CTNNA3: variants seen among roughly 807,000 people sequenced by gnomAD.
The protein encoded by CTNNA3 is catenin alpha-3.
Under a neutral mutation model 95.7 loss-of-function variants are expected in CTNNA3, and 76 were observed. The ratio of observed to expected loss-of-function variants is 0.79; its 90% CI spans 0.66 to 0.96. The LOEUF is 0.96. CTNNA3 is among the 40% of genes least tolerant of loss of function. The pLI, the probability that CTNNA3 is intolerant of heterozygous loss-of-function variation, is 0.00. For synonymous variants in CTNNA3, 431 were observed against 374.4 expected (o/e 1.15, Z -1.74); for missense variants, 1,191 against 1,089.8 (o/e 1.09, Z -1.31).
intron 5 of CTNNA3, among the ~76,000 whole-genome samples, chr10:67,374,506 C>T (rs990311093): frequency 5.3e-5 from 8 of 152,184 alleles, no homozygotes; most frequent in East Asian, 1.9e-4. Flanking sequence ...CTTATTCATC[C>T]GATCTTATTC....
rs1564617140 is a variant in CTNNA3 at position 66,685,209 on chromosome 10, A to ATATATGTGTATATATATATACG, written c.1282-63426_1282-63425insCGTATATATATATACACATATA. 1.1e-4 allele frequency among the ~76,000 whole-genome samples: 4 copies of ATATATGTGTATATATATATACG among 36,340 alleles called. No individual in the cohort carries two copies. The East Asian group carries it at 0.014, about 124-fold the overall frequency. 23.8% of individuals were successfully genotyped at this position (36,340 alleles called of 152,430 possible). On this transcript the variant is annotated intron_variant, in intron 9 of 17. Coordinates refer to ENST00000433211, the MANE Select transcript of CTNNA3 (RefSeq NM_013266.4). ...TATATACGTGTATATATATATACGTATATATATGTGTATATATATACGTAT... is the reference window on the plus strand; with the variant it reads ...TATATACGTGTATATATATATACGTATATATGTGTATATATATATACGTATATATGTGTATATATATACGTAT...
chr10:67,588,344 T>C (rs572640210), intron 3 of CTNNA3, among the ~76,000 whole-genome samples: 1 of 152,206 alleles, frequency 6.6e-6, no homozygotes. Context: ...TTGAATTTAC[T>C]TTTTTTCATG....
chr10:67,726,383 A>ATATAATATAT (rs1480041135), intron 1 of CTNNA3, among the ~76,000 whole-genome samples: 3 of 37,130 alleles, frequency 8.1e-5, no homozygotes, highest in African/African-American at 3.2e-4. Flanking sequence ...ATTATATATG[A>ATATAATATAT]AATTATATAT....
At chr10:66,367,286 A>C (rs4259731) in intron 12 of CTNNA3, among the ~76,000 whole-genome samples, 55,035 of 151,942 alleles carry the variant, frequency 0.36, 11,407 homozygotes, top group Non-Finnish European at 0.47. Context: ...TATTATAAAT[A>C]TAAACTAGTT....
At chr10:67,247,918 G>T (rs1029065909) in intron 5 of CTNNA3, among the ~76,000 whole-genome samples, 1 of 152,070 alleles carries the variant, frequency 6.6e-6, no homozygotes, top group Non-Finnish European at 1.5e-5. Flanking sequence ...CAATCATAAA[G>T]ACAGACATAT....
rs190195677 is a variant in CTNNA3, at chr10:66,299,722, A to G, written c.1733-19101T>C. On this transcript the variant is annotated intron_variant, in intron 12 of 17. Coordinates refer to ENST00000433211, the MANE Select transcript of CTNNA3 (RefSeq NM_013266.4). ...TACACAGAATGAAACACAAAGAATA[A>G]CAGGAATGGAAAACAAAAAGAGAAG... Among the ~76,000 whole-genome samples the G allele has an allele frequency of 3.6e-3, 543 of 152,280 alleles. 4 individuals are homozygous for G. The highest frequency in any genetic ancestry group is 0.013 in the African/African-American group (521 of 41,568).
At chr10:66,902,902 A>C (rs1051841724) in intron 7 of CTNNA3, among the ~76,000 whole-genome samples, 4 of 135,024 alleles carry the variant, frequency 3.0e-5, no homozygotes, top group Admixed American at 8.0e-5. Flanking sequence ...TACCAACGAA[A>C]AAAGTCCAGG....
intron 7 of CTNNA3, among the ~76,000 whole-genome samples, chr10:66,789,019 A>G (rs963040790): frequency 4.6e-5 from 7 of 152,200 alleles, no homozygotes; most frequent in African/African-American, 1.7e-4. Flanking sequence ...CGTGTCTAAT[A>G]AGCACAGTTT....
intron 7 of CTNNA3, among the ~76,000 whole-genome samples, chr10:66,840,433 C>T (rs1843031083): frequency 6.8e-6 from 1 of 146,980 alleles, no homozygotes; most frequent in Non-Finnish European, 1.5e-5. Flanking sequence ...GGTTGGAAGT[C>T]CTTCCTCAGT....
intron 3 of CTNNA3, among the ~76,000 whole-genome samples, chr10:67,575,339 T>G (rs1215148861): frequency 1.1e-5 from 1 of 88,990 alleles, no homozygotes; most frequent in Non-Finnish European, 1.9e-5. Flanking sequence ...CTTTCAATTG[T>G]GTGTTTTGAG....
chr10:67,577,099 T>C (rs1842185841), intron 3 of CTNNA3, among the ~76,000 whole-genome samples: 1 of 150,936 alleles, frequency 6.6e-6, no homozygotes, highest in African/African-American at 2.5e-5. Context: ...AAATGGTATT[T>C]GTAGTTCTAG....
intron 1 of CTNNA3, among the ~76,000 whole-genome samples, chr10:67,716,995 T>A (rs1448378376): frequency 2.0e-5 from 3 of 152,140 alleles, no homozygotes; most frequent in African/African-American, 7.2e-5. Context: ...TGTTTCCTGA[T>A]TTTTTAATGA....
chr10:66,391,101 T>G (rs2092930526), intron 11 of CTNNA3, among the ~76,000 whole-genome samples: 1 of 152,188 alleles, frequency 6.6e-6, no homozygotes, highest in Admixed American at 6.5e-5. Flanking sequence ...ACAAAAGTTT[T>G]GTTAAACTTT....
chr10:66,211,194 A>G (rs12264838), intron 13 of CTNNA3, among the ~76,000 whole-genome samples: 36,465 of 152,138 alleles, frequency 0.24, 7,477 homozygotes, highest in African/African-American at 0.56. Flanking sequence ...GAATTCACAA[A>G]TGGACATTTT....
chr10:66,313,623 T>A (rs4434898), intron 12 of CTNNA3, among the ~76,000 whole-genome samples: 99,000 of 152,038 alleles, frequency 0.65, 32,863 homozygotes, highest in African/African-American at 0.76. Flanking sequence ...TAGTTCCTAC[T>A]ACTGTTTGCA....
At chr10:66,091,973 AG>A (rs745847809) in intron 14 of CTNNA3, among the ~76,000 whole-genome samples, 1 of 151,778 alleles carries the variant, frequency 6.6e-6, no homozygotes, top group East Asian at 1.9e-4. Flanking sequence ...ACTGACTTTT[AG>A]TCTAGTCACA....
At chr10:66,783,479 T>C (rs1426708515) in intron 7 of CTNNA3, among the ~76,000 whole-genome samples, 1 of 152,184 alleles carries the variant, frequency 6.6e-6, no homozygotes, top group Non-Finnish European at 1.5e-5. Flanking sequence ...TGACTCATTC[T>C]AGAAATCCTT....
chr10:65,919,517 T>C lies in CTNNA3; in HGVS notation c.*813A>G, dbSNP rs2077050204. 1 of 152,204 alleles carries C rather than the reference T, an allele frequency of 6.6e-6. No homozygotes were observed. Among genetic ancestry groups the C allele is most frequent in the African/African-American group, 2.4e-5 (1 of 41,446 alleles). The allele number at this position is 152,204 out of a possible 1,614,324, so 9.4% of individuals were successfully genotyped here. The stretch of plus-strand genomic sequence containing the variant: ...TATTAATATAACTCACTTTGGGATA[T>C]AGTTTGTTGTCTCATTTTCCCAATG... On this transcript the variant is annotated 3_prime_UTR_variant, in exon 18 of 18. Transcript: ENST00000433211.
intron 7 of CTNNA3, among the ~76,000 whole-genome samples, chr10:67,128,476 C>G (rs1859834122): frequency 6.6e-6 from 1 of 151,890 alleles, no homozygotes; most frequent in Non-Finnish European, 1.5e-5. Flanking sequence ...TATTCTTCCC[C>G]AGGTTAACAA....
Sources: allele counts gnomAD v4.1 joint callset (sites outside exome capture counted in the v4.1 genomes callset), GRCh38; gene constraint gnomAD v4.1.1; transcripts MANE v1.5; gene names NCBI Gene and HGNC (gene_info 2026-07-23, HGNC 2026-07-21).